LOC730098: variants seen among roughly 807,000 people sequenced by gnomAD.
At chr9:34,665,963 AG>A in the LOC730098 span, 1 of 455,800 alleles carries the variant, frequency 2.2e-6, no homozygotes, top group African/African-American at 2.1e-5. Context: ...GAGGATTTTC[AG>A]GGGCTGGGGT....
At chr9:34,665,787 C>A in the LOC730098 span, 1 of 641,750 alleles carries the variant, frequency 1.6e-6, no homozygotes, top group Non-Finnish European at 2.8e-6. Context: ...GGCTGATGCC[C>A]CCGAGAAGCC....
chr9:34,665,326 C>T, the LOC730098 span: 1 of 702,276 alleles, frequency 1.4e-6, no homozygotes. Context: ...CCGCTCCCTC[C>T]GCCACATGCG....
chr9:34,665,452 C>T, the LOC730098 span: 8 of 689,390 alleles, frequency 1.2e-5, no homozygotes, highest in African/African-American at 1.2e-4. Flanking sequence ...CCCGCGGTGC[C>T]TCGCCGTCGA....
the LOC730098 span, chr9:34,665,330 A>G: frequency 1.4e-6 from 1 of 697,776 alleles, no homozygotes; most frequent in South Asian, 1.5e-5. Flanking sequence ...TCCCTCCGCC[A>G]CATGCGAAGC....
chr9:34,664,703 G>C, the LOC730098 span: 1 of 234,350 alleles, frequency 4.3e-6, no homozygotes, highest in Non-Finnish European at 8.2e-6. Flanking sequence ...CTACACCTCT[G>C]CTTAAAATGT....
chr9:34,665,573 G>A, the LOC730098 span: 2 of 697,416 alleles, frequency 2.9e-6, no homozygotes, highest in Non-Finnish European at 5.2e-6. Flanking sequence ...CCACCCCGGA[G>A]CCGCCTGGTT....
chr9:34,665,631 G>A, the LOC730098 span: 1 of 699,348 alleles, frequency 1.4e-6, no homozygotes, highest in South Asian at 1.5e-5. Context: ...CGCCTCCAGC[G>A]CCACCTCGTA....
chr9:34,665,528 G>A, the LOC730098 span: 34 of 679,834 alleles, frequency 5.0e-5, no homozygotes, highest in Non-Finnish European at 7.7e-5. Flanking sequence ...GGCTCGCCCT[G>A]CCCACCCCTC....
At chr9:34,665,107 T>A in the LOC730098 span, 1 of 601,212 alleles carries the variant, frequency 1.7e-6, no homozygotes, top group East Asian at 2.8e-5. Context: ...ACCCGAGCGC[T>A]GGGGAGTAGG....
At chr9:34,665,927 G>A in the LOC730098 span, 126 of 550,188 alleles carry the variant, frequency 2.3e-4, no homozygotes, top group Non-Finnish European at 3.4e-4. Flanking sequence ...GGCGGTCATG[G>A]GGCTGGGAGA....
the LOC730098 span, chr9:34,664,806 C>CT: frequency 7.4e-6 from 3 of 403,294 alleles, no homozygotes; most frequent in African/African-American, 2.1e-5. Flanking sequence ...ATTTAGTTCT[C>CT]TTCATATAGG....
the LOC730098 span, chr9:34,665,239 T>A: frequency 3.3e-5 from 23 of 688,898 alleles, no homozygotes; most frequent in East Asian, 3.0e-4. Flanking sequence ...AGCTACCGGA[T>A]TCCCCCCGAT....
the LOC730098 span, chr9:34,664,832 G>C: frequency 2.4e-6 from 1 of 414,946 alleles, no homozygotes; most frequent in Non-Finnish European, 4.3e-6. Flanking sequence ...CACAGTATGG[G>C]TTTTTGGGGG....
At chr9:34,665,596 A>G in the LOC730098 span, 3 of 698,700 alleles carry the variant, frequency 4.3e-6, no homozygotes, top group South Asian at 1.5e-5. Context: ...TCCTCCGCAG[A>G]ACCCGCCTCC....
chr9:34,665,699 G>C, the LOC730098 span: 1 of 700,814 alleles, frequency 1.4e-6, no homozygotes, highest in East Asian at 2.7e-5. Flanking sequence ...CGGCATGATT[G>C]AATCAGGGAT....
At chr9:34,665,225 C>A in the LOC730098 span, 1 of 678,692 alleles carries the variant, frequency 1.5e-6, no homozygotes, top group Non-Finnish European at 2.7e-6. Context: ...TGAGGCGGGG[C>A]GGGAGCTACC....
At chr9:34,665,004 A>C in the LOC730098 span, 1 of 550,848 alleles carries the variant, frequency 1.8e-6, no homozygotes, top group Non-Finnish European at 3.2e-6. Flanking sequence ...GCGGCGGCAG[A>C]GTCAGGAGGT....
At chr9:34,664,992 C>T in the LOC730098 span, 9 of 556,546 alleles carry the variant, frequency 1.6e-5, no homozygotes, top group African/African-American at 1.3e-4. Context: ...CGAATGGCGA[C>T]AGCGGCGGCA....
chr9:34,665,555 ACCCTCC>A, the LOC730098 span: 1 of 264,986 alleles, frequency 3.8e-6, no homozygotes, highest in Non-Finnish European at 6.5e-6. Flanking sequence ...GCAGAACTCC[ACCCTCC>A]CCCACCCCGG....
Sources: gnomAD v4.1 joint callset for allele counts on GRCh38, gnomAD v4.1.1 for gene constraint, MANE v1.5 for transcripts.